Variants in UBXN7 observed in about 807,000 individuals in gnomAD.
UBXN7 encodes the protein UBX domain-containing protein 7.
In UBXN7, 9 loss-of-function variants were observed where a neutral mutation model predicts 58.0. The ratio of observed to expected loss-of-function variants is 0.16; its 90% CI spans 0.09 to 0.27. UBXN7 has a LOEUF of 0.27. Ranked by LOEUF, UBXN7 falls within the 10% of genes least tolerant of loss-of-function variation. The pLI is 1.00. For synonymous variants in UBXN7, 208 were observed against 205.0 expected (o/e 1.01, Z -0.12); for missense variants, 328 against 599.6 (o/e 0.55, Z 4.73).
intron 3 of UBXN7, among the ~76,000 whole-genome samples, chr3:196,398,995 G>C (rs764801259): frequency 1.3e-5 from 2 of 152,086 alleles, no homozygotes; most frequent in Admixed American, 6.6e-5. Context: ...CAGTTGTATT[G>C]AAGTAACAAG....
At chr3:196,400,741 CAA>C in intron 3 of UBXN7, 1 of 358,762 alleles carries the variant, frequency 2.8e-6, no homozygotes, top group South Asian at 2.1e-5. Context: ...TTCTGCAAAA[CAA>C]AAGAAAAAAA....
intron 2 of UBXN7, among the ~76,000 whole-genome samples, chr3:196,406,853 T>C (rs1323359721): frequency 6.6e-6 from 1 of 152,356 alleles, no homozygotes; most frequent in East Asian, 1.9e-4. Flanking sequence ...TTAATTGCTG[T>C]GTAGCTTGGG....
rs1421393694 is a variant in UBXN7, at chr3:196,356,999, A to G, written c.1309-153T>C. ...ATATAACCAAAGCTTGCCCTTGGGG[A>G]AGGGCCAATATAAACCTTTGGACGG... On this transcript the variant is annotated intron_variant, in intron 10 of 10. Transcript: ENST00000296328. 2.0e-5 allele frequency among the ~76,000 whole-genome samples: 3 copies of G among 152,224 alleles called. No homozygotes were observed. The East Asian group carries it at 5.8e-4, about 29-fold the overall frequency.
chr3:196,367,630 A>C (rs1577436453), intron 8 of UBXN7, among the ~76,000 whole-genome samples: 1 of 152,162 alleles, frequency 6.6e-6, no homozygotes, highest in African/African-American at 2.4e-5. Flanking sequence ...ACACAAAAAA[A>C]CCAACCACTT....
At chr3:196,417,139 C>A (rs1413918958) in intron 1 of UBXN7, among the ~76,000 whole-genome samples, 35 of 152,244 alleles carry the variant, frequency 2.3e-4, no homozygotes, top group Middle Eastern at 3.4e-3. Flanking sequence ...CGGTGAAACC[C>A]CGTCTCTACT....
intron 1 of UBXN7, among the ~76,000 whole-genome samples, chr3:196,418,284 A>G (rs893643451): frequency 2.3e-5 from 3 of 129,992 alleles, no homozygotes; most frequent in African/African-American, 2.8e-5. Context: ...GAAGGAGGGA[A>G]AGAGAGAAGG....
At chr3:196,407,160 C>G in intron 2 of UBXN7, 86 bp downstream of exon 2, 1 of 1,521,272 alleles carries the variant, frequency 6.6e-7, no homozygotes, top group Non-Finnish European at 8.8e-7. Context: ...TATTTCAAAA[C>G]CAGAGAATCG....
rs535738176 is a variant in UBXN7 at position 196,355,446 on chromosome 3, A to G, written c.*1239T>C. The G allele has an allele frequency of 4.6e-5, 7 of 152,334 alleles. No homozygotes were observed. The highest frequency in any genetic ancestry group is 8.8e-5 in the Non-Finnish European group (6 of 68,032). The allele number at this position is 152,334 out of a possible 1,614,324, so 9.4% of individuals were successfully genotyped here. Reference sequence around the variant, plus strand: ...GGGTTTTGTTGGCAGAAAAAGCCCAAGACATCTGAAAATTACTAGTAACCT... The same window carrying G: ...GGGTTTTGTTGGCAGAAAAAGCCCAGGACATCTGAAAATTACTAGTAACCT... On this transcript the variant is annotated 3_prime_UTR_variant, in exon 11 of 11. Coordinates refer to ENST00000296328, the MANE Select transcript of UBXN7 (RefSeq NM_015562.2).
intron 8 of UBXN7, among the ~76,000 whole-genome samples, chr3:196,366,137 T>C (rs935581347): frequency 6.6e-6 from 1 of 152,184 alleles, no homozygotes; most frequent in African/African-American, 2.4e-5. Flanking sequence ...ACAAGATTTC[T>C]ATACTATCCC....
At chr3:196,378,408 C>CCTCCCT (rs561376010) in intron 5 of UBXN7, among the ~76,000 whole-genome samples, 192 of 152,176 alleles carry the variant, frequency 1.3e-3, no homozygotes, top group African/African-American at 3.3e-3. Flanking sequence ...CTTATCAGCT[C>CCTCCCT]CTCCCTCTTC....
At chr3:196,392,194 T>C (rs1479383084) in intron 4 of UBXN7, among the ~76,000 whole-genome samples, 1 of 152,054 alleles carries the variant, frequency 6.6e-6, no homozygotes, top group African/African-American at 2.4e-5. Flanking sequence ...CTTCACATAT[T>C]CAGAAACTAA....
At chr3:196,365,249 TA>T (rs11317854) in intron 8 of UBXN7, among the ~76,000 whole-genome samples, 65,172 of 127,464 alleles carry the variant, frequency 0.51, 16,258 homozygotes, top group East Asian at 0.85. Context: ...TTCCCCACCT[TA>T]AAAAAAAAAA....
At chr3:196,410,751 GGC>G (rs1247084778) in intron 1 of UBXN7, among the ~76,000 whole-genome samples, 11 of 152,040 alleles carry the variant, frequency 7.2e-5, no homozygotes, top group Non-Finnish European at 1.6e-4. Context: ...GAACCTGGGA[GGC>G]GGAGGTTGCA....
chr3:196,419,958 T>C lies in UBXN7; in HGVS notation c.73+12369A>G, dbSNP rs529738722. On this transcript the variant is annotated intron_variant, in intron 1 of 10. Coordinates refer to ENST00000296328, the MANE Select transcript of UBXN7 (RefSeq NM_015562.2). The stretch of plus-strand genomic sequence containing the variant: ...TACCACTGAGCTACACAGAGGAATA[T>C]GAAGAAGTGAAGGTTAACTGAAAGG... 3.9e-5 allele frequency among the ~76,000 whole-genome samples: 6 copies of C among 152,190 alleles called. No homozygotes were observed. The South Asian group carries it at 1.2e-3, about 32-fold the overall frequency.
At chr3:196,404,317 C>G (rs535115094) in intron 2 of UBXN7, among the ~76,000 whole-genome samples, 185 of 141,904 alleles carry the variant, frequency 1.3e-3, no homozygotes, top group African/African-American at 4.7e-3. Flanking sequence ...GGCTGGAGTG[C>G]AGTGGTATGA....
chr3:196,412,230 C>CAAAAAAAAAAAAAAAAAAAA (rs55746914), intron 1 of UBXN7, among the ~76,000 whole-genome samples: 2 of 89,080 alleles, frequency 2.2e-5, no homozygotes, highest in East Asian at 3.0e-4. Context: ...GACTTTGTCT[C>CAAAAAAAAAAAAAAAAAAAA]AAAAAAAAAA....
intron 1 of UBXN7, among the ~76,000 whole-genome samples, chr3:196,421,602 C>G (rs1044325659): frequency 3.3e-5 from 5 of 151,636 alleles, no homozygotes; most frequent in South Asian, 2.1e-4. Flanking sequence ...AAACCCCCCC[C>G]CAGTCTCTAG....
chr3:196,376,545 C>CAAAAA (rs777458391), intron 5 of UBXN7, among the ~76,000 whole-genome samples: 366 of 47,484 alleles, frequency 7.7e-3, no homozygotes, highest in Middle Eastern at 0.016. Context: ...GACTCTGTCT[C>CAAAAA]AAAAAAAAAA....
At chr3:196,413,075 C>A (rs1159541571) in intron 1 of UBXN7, among the ~76,000 whole-genome samples, 3 of 152,122 alleles carry the variant, frequency 2.0e-5, no homozygotes, top group Non-Finnish European at 4.4e-5. Flanking sequence ...AGCACGGTGG[C>A]TCATGGCTGT....
Sources: gnomAD v4.1 joint callset for allele counts (sites outside exome capture counted in the v4.1 genomes callset) on GRCh38, gnomAD v4.1.1 for gene constraint, MANE v1.5 for transcripts, NCBI Gene and HGNC (gene_info 2026-07-23, HGNC 2026-07-21) for gene names.